PTPRK: variants seen among roughly 807,000 people sequenced by gnomAD.
PTPRK encodes the protein receptor-type tyrosine-protein phosphatase kappa.
PTPRK carries 75 observed loss-of-function variants against 178.0 expected under a neutral mutation model. That is an observed-to-expected ratio of 0.42 (90% CI 0.35 to 0.51). The LOEUF is 0.51. Among genes scored for constraint, PTPRK ranks in the 20% least tolerant of loss-of-function variants. The pLI is 0.02. For synonymous variants in PTPRK, 637 were observed against 620.6 expected, an observed-to-expected ratio of 1.03 and a Z score of -0.39; for missense variants, 1,441 against 1,797.8, an observed-to-expected ratio of 0.80 and a Z score of 3.59.
At chr6:128,259,192 T>G (rs1817804434) in intron 3 of PTPRK, among the ~76,000 whole-genome samples, 1 of 152,068 alleles carries the variant, frequency 6.6e-6, no homozygotes, top group Non-Finnish European at 1.5e-5. Context: ...TGTGGCACCT[T>G]GAAGTAAAAA....
intron 2 of PTPRK, among the ~76,000 whole-genome samples, chr6:128,358,113 T>C (rs1834196708): frequency 6.6e-6 from 1 of 152,204 alleles, no homozygotes; most frequent in Admixed American, 6.5e-5. Context: ...TACATCAAAA[T>C]TGGCTACCTC....
chr6:128,504,897 A>C (rs889555274), intron 1 of PTPRK, among the ~76,000 whole-genome samples: 3 of 152,122 alleles, frequency 2.0e-5, no homozygotes, highest in African/African-American at 7.2e-5. Context: ...TATTGTGACC[A>C]AAATATGTAG....
chr6:128,282,534 A>G (rs1242137860), intron 3 of PTPRK, among the ~76,000 whole-genome samples: 1 of 152,212 alleles, frequency 6.6e-6, no homozygotes, highest in Non-Finnish European at 1.5e-5. Context: ...TAATTCTTTA[A>G]ACACCAGAAG....
At chr6:128,173,809 G>A (rs566721476) in intron 7 of PTPRK, among the ~76,000 whole-genome samples, 4 of 152,078 alleles carry the variant, frequency 2.6e-5, no homozygotes, top group African/African-American at 9.6e-5. Context: ...TTAGACTGAA[G>A]TAGCAGCCTT....
At chr6:128,082,667 T>A (rs1269284766) in intron 9 of PTPRK, 29 bp from the exon 10 acceptor site, 2 of 1,488,532 alleles carry the variant, frequency 1.3e-6, no homozygotes, top group South Asian at 1.2e-5. Context: ...TTATTACATA[T>A]CTAGTATCCA....
Position 128,067,544 on chromosome 6 carries a change from A to G in PTPRK, c.2132T>C (p.Phe711Ser). ...LAPRKGYNIY[F>S]QAMSSVEKET... ...CTTCTCCACACTGCTCATCGCCTGG[A>G]AATAGATGTTGTATCCTTTGCGCGG... is the stretch of plus-strand genomic sequence containing the variant. The change falls in exon 12 of 30, where the codon TTC (phenylalanine) becomes TCC (serine). Residue 711 changes from phenylalanine (F) to serine (S), a missense_variant. Phe to Ser is a radical substitution (Grantham distance 155). This residue lies in a region of PTPRK where 945 missense variants were observed against 1,080.6 expected (regional missense o/e 0.87). Transcript: ENST00000368226. 2 of 1,577,964 alleles carry G rather than the reference A, an allele frequency of 1.3e-6. No homozygotes were observed. Among genetic ancestry groups the G allele is most frequent in the Non-Finnish European group, 1.7e-6 (2 of 1,156,072 alleles).
At chr6:128,077,061 T>G (rs1325718666) in intron 11 of PTPRK, among the ~76,000 whole-genome samples, 1 of 152,082 alleles carries the variant, frequency 6.6e-6, no homozygotes, top group Non-Finnish European at 1.5e-5. Flanking sequence ...TGTTTGCAAC[T>G]TACGTAAAAT....
intron 6 of PTPRK, among the ~76,000 whole-genome samples, chr6:128,195,270 A>G (rs1183803431): frequency 6.6e-6 from 1 of 152,052 alleles, no homozygotes; most frequent in Non-Finnish European, 1.5e-5. Flanking sequence ...CTCCATTGTG[A>G]TGAGTCTTTG....
intron 1 of PTPRK, among the ~76,000 whole-genome samples, chr6:128,464,464 T>C (rs1218888918): frequency 6.6e-6 from 1 of 151,498 alleles, no homozygotes; most frequent in East Asian, 1.9e-4. Context: ...AAAGTTAATT[T>C]GGAAAAAATC....
Position 128,017,833 on chromosome 6 carries a change from T to TATATATATATATATATATATA in PTPRK, c.2195-8566_2195-8565insTATATATATATATATATATAT, listed in dbSNP as rs1779790519. On this transcript the variant is annotated intron_variant, in intron 13 of 29. Transcript: ENST00000368226. ...ATATATATATATATATATATATATATTTGGCAGAATAGTGAGTCCTGAGAT... is the reference window on the plus strand; with the variant it reads ...ATATATATATATATATATATATATATATATATATATATATATATATATTGGCAGAATAGTGAGTCCTGAGAT... 4.4e-5 allele frequency among the ~76,000 whole-genome samples: 6 copies of TATATATATATATATATATATA among 137,308 alleles called. No individual in the cohort carries two copies. The East Asian group carries it at 6.3e-4, about 14-fold the overall frequency. The allele number at this position is 137,308 out of a possible 152,430, so 90.1% of individuals were successfully genotyped here. A position where few individuals can be genotyped will look rare whatever the true frequency, so the allele number is the denominator to read the frequency against.
intron 3 of PTPRK, among the ~76,000 whole-genome samples, chr6:128,290,062 A>T (rs754322320): frequency 6.6e-6 from 1 of 152,124 alleles, no homozygotes; most frequent in Middle Eastern, 3.2e-3. Context: ...ATAGCCAGCT[A>T]AACTGACTGA....
At position 128,082,731 on chromosome 6, in the gene PTPRK, C is replaced by A. The variant is rs1173987153; in HGVS notation, c.1576-93G>T. On this transcript the variant is annotated intron_variant, in intron 9 of 29. Transcript: ENST00000368226. The stretch of plus-strand genomic sequence containing the variant: ...TAAATAAGGTAGTATGCAAGGGCAT[C>A]CATGTGGAGTCAATGGTAATTTTTT... 8.0e-6 allele frequency: 7 copies of A among 869,964 alleles called. No homozygotes were observed. In the African/African-American group the frequency reaches 8.5e-5, roughly 11 times the overall value. The allele number at this position is 869,964 out of a possible 1,614,324, so 53.9% of individuals were successfully genotyped here. A position where few individuals can be genotyped will look rare whatever the true frequency, so the allele number is the denominator to read the frequency against.
At chr6:128,177,298 C>A (rs1012689491) in intron 7 of PTPRK, among the ~76,000 whole-genome samples, 1 of 151,600 alleles carries the variant, frequency 6.6e-6, no homozygotes, top group Non-Finnish European at 1.5e-5. Context: ...ACTTTTAAAG[C>A]CATTTCTACT....
At chr6:128,217,954 T>A (rs1228080079) in intron 6 of PTPRK, among the ~76,000 whole-genome samples, 1 of 152,226 alleles carries the variant, frequency 6.6e-6, no homozygotes, top group East Asian at 1.9e-4. Flanking sequence ...ATGCTTGATA[T>A]CCTACTCAAC....
chr6:128,109,180 C>A (rs944716975), intron 7 of PTPRK, among the ~76,000 whole-genome samples: 3 of 152,084 alleles, frequency 2.0e-5, no homozygotes, highest in African/African-American at 4.8e-5. Flanking sequence ...AAATGAACAG[C>A]CTCATCAGCC....
chr6:127,971,178 T>C (rs1030503016), intron 29 of PTPRK, among the ~76,000 whole-genome samples: 2 of 152,206 alleles, frequency 1.3e-5, no homozygotes, highest in South Asian at 4.1e-4. Context: ...AAAACTGCCT[T>C]TCCTCTAAGC....
intron 6 of PTPRK, among the ~76,000 whole-genome samples, chr6:128,212,203 G>A (rs575911369): frequency 1.2e-3 from 185 of 152,048 alleles, no homozygotes; most frequent in Admixed American, 3.1e-3. Flanking sequence ...ATTAAATTAT[G>A]AGATTCTTAA....
intron 3 of PTPRK, among the ~76,000 whole-genome samples, chr6:128,292,813 T>G (rs944274633): frequency 2.0e-5 from 3 of 152,114 alleles, no homozygotes; most frequent in Non-Finnish European, 4.4e-5. Flanking sequence ...TTATAATTAT[T>G]TTCACCCCAT....
At chr6:128,180,734 C>T (rs1296041394) in intron 7 of PTPRK, among the ~76,000 whole-genome samples, 1 of 152,066 alleles carries the variant, frequency 6.6e-6, no homozygotes, top group Non-Finnish European at 1.5e-5. Context: ...ATTGGGCTTT[C>T]AATAAATGTG....
Sources: allele counts gnomAD v4.1 joint callset (sites outside exome capture counted in the v4.1 genomes callset), GRCh38; gene constraint gnomAD v4.1.1; regional missense constraint gnomAD v4.1.1; transcripts MANE v1.5; gene names NCBI Gene and HGNC (gene_info 2026-07-23, HGNC 2026-07-21).